The following CSMD1 variants were observed in gnomAD, a reference collection of about 807,000 sequenced individuals.
CSMD1 encodes CUB and Sushi multiple domains 1.
In CSMD1, 213 loss-of-function variants were observed where a neutral mutation model predicts 417.5. The ratio of observed to expected loss-of-function variants is 0.51; its 90% CI spans 0.46 to 0.57. The LOEUF (loss-of-function observed/expected upper bound fraction) is 0.57, where lower values mean the gene tolerates loss of function less well. Ranked by LOEUF, CSMD1 falls within the 20% of genes least tolerant of loss-of-function variation. The pLI is 0.00. For synonymous variants in CSMD1, 2,862 were observed against 1,736.8 expected (o/e 1.65, Z -16.11); for missense variants, 6,923 against 4,529.7 (o/e 1.53, Z -15.17).
At chr8:4,508,006 G>A (rs985692493) in intron 2 of CSMD1, among the ~76,000 whole-genome samples, 8 of 149,498 alleles carry the variant, frequency 5.4e-5, no homozygotes, top group South Asian at 4.2e-4. Flanking sequence ...AAAACTGAAC[G>A]TTTCTCAGTC....
At chr8:4,913,835 G>A (rs540812876) in intron 1 of CSMD1, among the ~76,000 whole-genome samples, 159 of 152,328 alleles carry the variant, frequency 1.0e-3, no homozygotes, top group Non-Finnish European at 2.0e-3. Flanking sequence ...AACCAGAAGA[G>A]CTTCTCCAGC....
intron 26 of CSMD1, among the ~76,000 whole-genome samples, chr8:3,251,624 G>A (rs1326086248): frequency 6.6e-6 from 1 of 152,266 alleles, no homozygotes; most frequent in South Asian, 2.1e-4. Flanking sequence ...GCTTGATGGG[G>A]ATGGCTTTGA....
chr8:4,820,600 G>A (rs188672735), intron 1 of CSMD1, among the ~76,000 whole-genome samples: 4 of 152,248 alleles, frequency 2.6e-5, no homozygotes, highest in East Asian at 1.9e-4. Context: ...AAACGGGATA[G>A]CTTTCTGAAA....
intron 46 of CSMD1, among the ~76,000 whole-genome samples, chr8:3,104,728 G>C (rs1426436439): frequency 1.6e-5 from 2 of 127,202 alleles, no homozygotes; most frequent in Non-Finnish European, 3.2e-5. Flanking sequence ...TTTTTTTTGA[G>C]ACAGAGTTTT....
intron 11 of CSMD1, among the ~76,000 whole-genome samples, chr8:3,473,711 A>T (rs964577946): frequency 6.6e-6 from 1 of 152,210 alleles, no homozygotes. Context: ...TATAACAATG[A>T]TGAAGAAGAT....
intron 3 of CSMD1, among the ~76,000 whole-genome samples, chr8:4,403,509 T>A (rs944174942): frequency 1.3e-5 from 2 of 152,118 alleles, no homozygotes; most frequent in Non-Finnish European, 2.9e-5. Flanking sequence ...TCACCTCTCC[T>A]CATCAGTCAT....
chr8:4,295,236 G>A (rs1324704076), intron 3 of CSMD1, among the ~76,000 whole-genome samples: 2 of 108,246 alleles, frequency 1.8e-5, no homozygotes. Flanking sequence ...AAGATTATAT[G>A]CACATATAAT....
chr8:3,212,569 G>A (rs1797676460), intron 30 of CSMD1, among the ~76,000 whole-genome samples: 1 of 152,062 alleles, frequency 6.6e-6, no homozygotes, highest in South Asian at 2.1e-4. Flanking sequence ...GCTCAGGCTG[G>A]TCTCAAACTC....
chr8:3,235,160 G>A (rs530594858), intron 26 of CSMD1, among the ~76,000 whole-genome samples: 22 of 152,020 alleles, frequency 1.4e-4, no homozygotes, highest in Admixed American at 7.9e-4. Context: ...TGTAAATATC[G>A]CAACATTTAT....
intron 3 of CSMD1, among the ~76,000 whole-genome samples, chr8:4,213,483 T>C (rs1047754908): frequency 1.3e-5 from 2 of 152,198 alleles, no homozygotes; most frequent in Admixed American, 1.3e-4. Context: ...GTTACTAGAA[T>C]GAAAAACACT....
chr8:4,123,100 A>T (rs146531149), intron 3 of CSMD1, among the ~76,000 whole-genome samples: 11 of 152,348 alleles, frequency 7.2e-5, no homozygotes, highest in Non-Finnish European at 1.5e-4. Flanking sequence ...ATTGGAAAAC[A>T]GAAAAATGAT....
At chr8:4,481,994 A>G (rs911079899) in intron 2 of CSMD1, among the ~76,000 whole-genome samples, 1 of 152,200 alleles carries the variant, frequency 6.6e-6, no homozygotes, top group Non-Finnish European at 1.5e-5. Context: ...CTTTATCAGT[A>G]CAAGTCTTTC....
At chr8:3,420,803 G>C (rs1242205301) in intron 12 of CSMD1, among the ~76,000 whole-genome samples, 1 of 152,080 alleles carries the variant, frequency 6.6e-6, no homozygotes, top group Non-Finnish European at 1.5e-5. Context: ...CGCATGGATT[G>C]AAAACATTCC....
intron 1 of CSMD1, among the ~76,000 whole-genome samples, chr8:4,886,782 T>C (rs538456342): frequency 6.6e-6 from 1 of 152,092 alleles, no homozygotes; most frequent in South Asian, 2.1e-4. Flanking sequence ...TTTGTTGGCA[T>C]AAATTTATTC....
chr8:4,094,697 G>A (rs1044597894), intron 3 of CSMD1, among the ~76,000 whole-genome samples: 3 of 152,092 alleles, frequency 2.0e-5, no homozygotes, highest in Admixed American at 1.3e-4. Context: ...AGGAAACGCC[G>A]GCTTCTAGAG....
chr8:4,102,219 A>G (rs1359507941), intron 3 of CSMD1, among the ~76,000 whole-genome samples: 3 of 152,200 alleles, frequency 2.0e-5, no homozygotes, highest in African/African-American at 7.2e-5. Flanking sequence ...TTTAGGACTC[A>G]TGCCCCTTGC....
At chr8:4,768,820 G>C (rs1480687936) in intron 1 of CSMD1, among the ~76,000 whole-genome samples, 2 of 152,170 alleles carry the variant, frequency 1.3e-5, no homozygotes, top group African/African-American at 4.8e-5. Context: ...AATGGAAATA[G>C]AAGCAGTTAT....
intron 1 of CSMD1, among the ~76,000 whole-genome samples, chr8:4,790,337 T>C (rs1472223275): frequency 6.6e-6 from 1 of 152,012 alleles, no homozygotes; most frequent in Non-Finnish European, 1.5e-5. Flanking sequence ...TGACACAAAC[T>C]AATGGAAAAA....
At chr8:3,522,468 T>A (rs564439794) in intron 10 of CSMD1, among the ~76,000 whole-genome samples, 2 of 152,334 alleles carry the variant, frequency 1.3e-5, no homozygotes, top group South Asian at 4.1e-4. Flanking sequence ...TGCATTTACT[T>A]TTAGATGGCA....
Sources: allele counts gnomAD v4.1 joint callset (sites outside exome capture counted in the v4.1 genomes callset), GRCh38; gene constraint gnomAD v4.1.1; transcripts MANE v1.5; gene names NCBI Gene and HGNC (gene_info 2026-07-23, HGNC 2026-07-21).